Variants in CACNA1A observed in about 807,000 individuals in gnomAD.
CACNA1A encodes the protein voltage-dependent P/Q-type calcium channel subunit alpha-1A.
In CACNA1A, 57 loss-of-function variants were observed where a neutral mutation model predicts 262.4. That is an observed-to-expected ratio of 0.22 (90% CI 0.18 to 0.27). CACNA1A has a LOEUF of 0.27. CACNA1A is among the 10% of genes least tolerant of loss of function. The probability of loss-of-function intolerance (pLI) is 1.00; values close to 1 mark genes in which losing one functional copy is unlikely to be tolerated. For synonymous variants in CACNA1A, 1,431 were observed against 1,419.3 expected (o/e 1.01, Z -0.18); for missense variants, 2,526 against 3,562.8 (o/e 0.71, Z 7.41).
chr19:13,329,715 C>T (rs943008538), intron 10 of CACNA1A, among the ~76,000 whole-genome samples: 14 of 151,122 alleles, frequency 9.3e-5, no homozygotes, highest in Admixed American at 4.6e-4. Flanking sequence ...TCAGGTGATC[C>T]GCTCATCTCA....
chr19:13,305,926 A>G (rs8110845), intron 15 of CACNA1A, among the ~76,000 whole-genome samples: 89,031 of 151,818 alleles, frequency 0.59, 26,896 homozygotes, highest in East Asian at 0.96. Flanking sequence ...CAGGCATGGT[A>G]GTATGCACCT....
intron 22 of CACNA1A, among the ~76,000 whole-genome samples, chr19:13,281,334 C>T (rs1379263277): frequency 2.1e-5 from 3 of 145,370 alleles, no homozygotes; most frequent in Non-Finnish European, 4.5e-5. Context: ...GCCATGATCA[C>T]GTTACTGCAC....
chr19:13,498,212 T>A (rs1280671781), intron 1 of CACNA1A, among the ~76,000 whole-genome samples: 1 of 152,060 alleles, frequency 6.6e-6, no homozygotes, highest in Non-Finnish European at 1.5e-5. Flanking sequence ...GTAACACCAC[T>A]GCGGGCCAAG....
At chr19:13,470,170 C>T (rs995208838) in intron 1 of CACNA1A, among the ~76,000 whole-genome samples, 2 of 152,198 alleles carry the variant, frequency 1.3e-5, no homozygotes, top group African/African-American at 4.8e-5. Flanking sequence ...TCATTAAAAC[C>T]TCCACCCTTG....
At chr19:13,393,810 CT>C (rs2059762570) in intron 3 of CACNA1A, among the ~76,000 whole-genome samples, 1 of 96,476 alleles carries the variant, frequency 1.0e-5, no homozygotes, top group Non-Finnish European at 2.1e-5. Context: ...TCCCTCCTTC[CT>C]CTCTCTCTCT....
chr19:13,407,977 C>T (rs2060043021), intron 3 of CACNA1A, among the ~76,000 whole-genome samples: 1 of 152,104 alleles, frequency 6.6e-6, no homozygotes, highest in Non-Finnish European at 1.5e-5. Flanking sequence ...CTCCCCCCCT[C>T]ACTCTCTCTC....
chr19:13,253,919 T>C (rs1308189531), intron 29 of CACNA1A, among the ~76,000 whole-genome samples: 1 of 151,988 alleles, frequency 6.6e-6, no homozygotes, highest in Admixed American at 6.6e-5. Context: ...TTTGTATTTT[T>C]AGTAGAGACG....
chr19:13,282,207 G>A (rs1233735751), intron 22 of CACNA1A, among the ~76,000 whole-genome samples: 2 of 152,238 alleles, frequency 1.3e-5, no homozygotes, highest in African/African-American at 4.8e-5. Flanking sequence ...ATGGTAAGCT[G>A]TGGGCGGGCT....
chr19:13,255,705 T>TTCCCTCCCTCCCTCCTCCTC (rs2056533333), intron 28 of CACNA1A, among the ~76,000 whole-genome samples: 1 of 31,850 alleles, frequency 3.1e-5, no homozygotes, highest in Non-Finnish European at 6.4e-5. Flanking sequence ...CCCTCCTTCC[T>TTCCCTCCCTCCCTCCTCCTC]TCCCTCCCTC....
At chr19:13,467,103 G>A (rs901753608) in intron 1 of CACNA1A, among the ~76,000 whole-genome samples, 2 of 152,102 alleles carry the variant, frequency 1.3e-5, no homozygotes, top group African/African-American at 4.8e-5. Context: ...CTGTCTGGGA[G>A]AAGAGTAACC....
At chr19:13,242,890 G>A (rs1054010753) in intron 31 of CACNA1A, among the ~76,000 whole-genome samples, 2 of 152,202 alleles carry the variant, frequency 1.3e-5, no homozygotes, top group African/African-American at 2.4e-5. Flanking sequence ...GGGAGGGCTG[G>A]GGGCTGTTTG....
At chr19:13,259,484 C>T in intron 27 of CACNA1A, 80 bp downstream of exon 27, 1 of 1,425,184 alleles carries the variant, frequency 7.0e-7, no homozygotes, top group East Asian at 2.5e-5. Flanking sequence ...CAAGACCTTT[C>T]TTATTGCTAA....
At chr19:13,239,745 G>T (rs1297419319) in intron 31 of CACNA1A, among the ~76,000 whole-genome samples, 1 of 152,064 alleles carries the variant, frequency 6.6e-6, no homozygotes, top group Admixed American at 6.5e-5. Flanking sequence ...AGTATGTACT[G>T]GAGTGGGGGT....
intron 12 of CACNA1A, 116 bp downstream of exon 12, chr19:13,312,553 C>A: frequency 3.1e-6 from 2 of 642,828 alleles, no homozygotes; most frequent in South Asian, 3.9e-5. Flanking sequence ...CTTCTGCATC[C>A]ATCTGAGTCT....
At chr19:13,354,854 G>T (rs917257445) in intron 6 of CACNA1A, among the ~76,000 whole-genome samples, 11 of 147,006 alleles carry the variant, frequency 7.5e-5, no homozygotes, top group Non-Finnish European at 4.5e-5. Context: ...ACGAAGGGAG[G>T]ATGCTTTTCT....
rs1489239940 is a variant in CACNA1A, at chr19:13,207,509, TGTCGTACGGGGGGTGGCGC to T, written c.7306_7324del (p.Ala2436ThrfsTer166). The T allele has an allele frequency of 7.0e-7, 1 of 1,427,676 alleles. No individual in the cohort carries two copies. The highest frequency in any genetic ancestry group is 9.1e-7 in the Non-Finnish European group (1 of 1,095,848). The allele number at this position is 1,427,676 out of a possible 1,614,324, so 88.4% of individuals were successfully genotyped here. ...GCGCCCGGTGGCGCCCGAGGACGCG[TGTCGTACGGGGGGTGGCGC>T]GTCGTAGGCCCCGGCCATGGCCTCC... On this transcript the variant is annotated frameshift_variant, in exon 47 of 47. Coordinates refer to ENST00000360228, the MANE Select transcript of CACNA1A (RefSeq NM_001127222.2). LOFTEE classifies it high-confidence loss of function. The surrounding 1 kb of genome is among the most constrained non-coding windows in gnomAD (Gnocchi z 5.7).
intron 24 of CACNA1A, chr19:13,274,592 T>A (rs538787306): frequency 6.6e-6 from 1 of 152,260 alleles, no homozygotes; most frequent in Admixed American, 6.5e-5. Context: ...ATATTTTTCA[T>A]CCCGCTCCAA....
At chr19:13,305,044 C>T (rs1036229220) in intron 15 of CACNA1A, among the ~76,000 whole-genome samples, 4 of 152,100 alleles carry the variant, frequency 2.6e-5, no homozygotes, top group East Asian at 1.9e-4. Context: ...AACAAGGGTT[C>T]GGGTGCAAGT....
chr19:13,407,359 G>A (rs1291757780), intron 3 of CACNA1A, among the ~76,000 whole-genome samples: 1 of 152,088 alleles, frequency 6.6e-6, no homozygotes, highest in African/African-American at 2.4e-5. Context: ...AGAAAATGGC[G>A]GCACCATTCA....
Sources: allele counts gnomAD v4.1 joint callset (sites outside exome capture counted in the v4.1 genomes callset), GRCh38; gene constraint gnomAD v4.1.1; non-coding constraint Gnocchi (gnomAD v3.1); transcripts MANE v1.5; gene names NCBI Gene and HGNC (gene_info 2026-07-23, HGNC 2026-07-21).